The following ZMYM4 variants were observed in gnomAD, a reference collection of about 807,000 sequenced individuals.
ZMYM4 encodes zinc finger MYM-type containing 4, also known as zinc finger MYM-type protein 4.
A neutral mutation model predicts 183.2 loss-of-function variants in ZMYM4; 31 were observed. The observed-to-expected ratio is 0.17, with a 90% confidence interval of 0.13 to 0.23. The LOEUF is 0.23. Ranked by LOEUF, ZMYM4 falls within the 10% of genes least tolerant of loss-of-function variation. ZMYM4 has a pLI of 1.00. For missense variants in ZMYM4, 1,273 were observed against 1,840.3 expected (o/e 0.69, Z 5.64); for synonymous variants, 592 against 631.2 (o/e 0.94, Z 0.93).
At position 35,357,448 on chromosome 1, in the gene ZMYM4, A is replaced by G. The variant is rs112302735; in HGVS notation, c.86-1477A>G. Among the ~76,000 whole-genome samples the G allele has an allele frequency of 8.5e-5, 13 of 152,308 alleles. 2 individuals carry two copies. The highest frequency in any genetic ancestry group is 2.6e-4 in the African/African-American group (11 of 41,562). On this transcript the variant is annotated intron_variant, in intron 2 of 29. Coordinates refer to ENST00000314607, the MANE Select transcript of ZMYM4 (RefSeq NM_005095.3). ...CTGATGTATCAATTAAATGTGGTTTAGGCATAGAGTTTATAAGGGTATGGT... is the reference window on the plus strand; with the variant it reads ...CTGATGTATCAATTAAATGTGGTTTGGGCATAGAGTTTATAAGGGTATGGT...
chr1:35,372,013 C>T (rs1644225510), intron 7 of ZMYM4, among the ~76,000 whole-genome samples: 1 of 152,158 alleles, frequency 6.6e-6, no homozygotes, highest in Admixed American at 6.5e-5. Context: ...TTGGGACTAT[C>T]TTTCAAGCTA....
Position 35,397,366 on chromosome 1 carries a change from T to C in ZMYM4, c.3031-11T>C. Reference sequence around the variant, plus strand: ...CCAAAGAAAGCCTTCAGTCTATCCTTGGTCTTTCAGATGCCTGTCCCTATG... The same window carrying C: ...CCAAAGAAAGCCTTCAGTCTATCCTCGGTCTTTCAGATGCCTGTCCCTATG... On this transcript the variant is annotated splice_polypyrimidine_tract_variant and intron_variant, in intron 19 of 29. Transcript: ENST00000314607. 6.4e-7 allele frequency: 1 copy of C among 1,572,658 alleles called. No individual in the cohort carries two copies.
intron 9 of ZMYM4, among the ~76,000 whole-genome samples, chr1:35,385,069 T>A (rs985194426): frequency 1.3e-5 from 2 of 152,152 alleles, no homozygotes; most frequent in South Asian, 4.1e-4. Flanking sequence ...GGTCTTGAAC[T>A]CCTGACCTCA....
At chr1:35,340,107 A>G (rs1311310955) in intron 2 of ZMYM4, among the ~76,000 whole-genome samples, 1 of 152,204 alleles carries the variant, frequency 6.6e-6, no homozygotes, top group African/African-American at 2.4e-5. Flanking sequence ...GAAGTTTCTG[A>G]CAGAACAAAA....
intron 5 of ZMYM4, among the ~76,000 whole-genome samples, chr1:35,365,594 C>T (rs1216428695): frequency 6.6e-6 from 1 of 152,004 alleles, no homozygotes; most frequent in Non-Finnish European, 1.5e-5. Context: ...GCTCTTTTAG[C>T]CATATTGAGT....
chr1:35,364,009 GAGA>G (rs914845963), intron 5 of ZMYM4, among the ~76,000 whole-genome samples: 2 of 152,178 alleles, frequency 1.3e-5, no homozygotes, highest in African/African-American at 4.8e-5. Flanking sequence ...AGAGAACACT[GAGA>G]AGGTTATTAG....
intron 1 of ZMYM4, among the ~76,000 whole-genome samples, chr1:35,284,118 A>T (rs890003748): frequency 4.0e-5 from 6 of 151,880 alleles, no homozygotes; most frequent in Non-Finnish European, 8.8e-5. Flanking sequence ...CTGGGACTAC[A>T]GGTGCCCGCC....
In ZMYM4 at chr1:35,325,450, A is replaced by G. The variant is rs781728001; in HGVS notation, c.85+45A>G. On this transcript the variant is annotated intron_variant, in intron 2 of 29. Coordinates refer to ENST00000314607, the MANE Select transcript of ZMYM4 (RefSeq NM_005095.3). Reference sequence around the variant, plus strand: ...AAACAATCATGTCTTTAGATAGAAAATGAATGTTAATCTAGATGTGGTATT... The same window carrying G: ...AAACAATCATGTCTTTAGATAGAAAGTGAATGTTAATCTAGATGTGGTATT... 7 of 1,568,084 alleles carry G rather than the reference A, an allele frequency of 4.5e-6. No homozygotes were observed. The Admixed American group carries it at 7.2e-5, about 16-fold the overall frequency.
intron 2 of ZMYM4, among the ~76,000 whole-genome samples, chr1:35,358,184 C>A (rs756829912): frequency 6.6e-6 from 1 of 151,948 alleles, no homozygotes; most frequent in African/African-American, 2.4e-5. Flanking sequence ...AATTTTTTTC[C>A]TACAAGTTTG....
chr1:35,300,403 T>G (rs887742846), intron 1 of ZMYM4, among the ~76,000 whole-genome samples: 1 of 152,234 alleles, frequency 6.6e-6, no homozygotes, highest in Non-Finnish European at 1.5e-5. Flanking sequence ...CTTGGTATGG[T>G]TTATTTCAAA....
chr1:35,299,678 G>T (rs1641183899), intron 1 of ZMYM4, among the ~76,000 whole-genome samples: 1 of 151,916 alleles, frequency 6.6e-6, no homozygotes, highest in South Asian at 2.2e-4. Flanking sequence ...ATAGTTGCCT[G>T]GTAAGTTGCA....
intron 24 of ZMYM4, 69 bp from the exon 25 acceptor site, chr1:35,405,304 G>T: frequency 6.3e-7 from 1 of 1,577,386 alleles, no homozygotes; most frequent in Non-Finnish European, 8.6e-7. Context: ...CTTTGGTTTG[G>T]GCTTTACTTA....
At chr1:35,273,532 A>G (rs1008151389) in intron 1 of ZMYM4, among the ~76,000 whole-genome samples, 14 of 152,088 alleles carry the variant, frequency 9.2e-5, no homozygotes, top group Non-Finnish European at 1.5e-4. Flanking sequence ...ACTTTTGTAA[A>G]TGTAAATATT....
At chr1:35,382,374 A>G (rs1644483101) in intron 9 of ZMYM4, among the ~76,000 whole-genome samples, 1 of 151,750 alleles carries the variant, frequency 6.6e-6, no homozygotes. Flanking sequence ...ATATTCATAC[A>G]GAGTTCTATA....
chr1:35,387,704 GTTT>G, intron 13 of ZMYM4, 100 bp downstream of exon 13: 4 of 1,293,800 alleles, frequency 3.1e-6, no homozygotes, highest in Admixed American at 2.6e-5. Flanking sequence ...CTGTTTTATT[GTTT>G]ATGTATAACG....
rs758352930 is a variant in ZMYM4 at position 35,405,053 on chromosome 1, C to G, written c.3559C>G (p.Pro1187Ala). ...GRKKSIVAVE[P>A]RSLIQGAFQG... ...GAAGAAGTCTATAGTGGCTGTGGAG[C>G]CCAGGAGTCTTATTCAAGGAGCCTT... is the stretch of plus-strand genomic sequence containing the variant. The change falls in exon 24 of 30, where the codon CCC becomes GCC. Residue 1187 changes from proline (P) to alanine (A), a missense_variant. By Grantham distance (27) the Pro-to-Ala change is conservative (BLOSUM62 -1). Transcript: ENST00000314607. 1.2e-6 allele frequency: 2 copies of G among 1,613,424 alleles called. No homozygotes were observed. The highest frequency in any genetic ancestry group is 8.5e-7 in the Non-Finnish European group (1 of 1,179,696).
rs546677484 is a variant in ZMYM4, at chr1:35,402,973, C to G, written c.3529-2050C>G. On this transcript the variant is annotated intron_variant, in intron 23 of 29. Transcript: ENST00000314607. ...TAACCTTACGGTGAAAAAAGTCTTG[C>G]AACAGAAAGTATGATGTTACCTGTA... 1.8e-4 allele frequency among the ~76,000 whole-genome samples: 28 copies of G among 152,272 alleles called. No homozygotes were observed. In the South Asian group the frequency reaches 5.8e-3, roughly 32 times the overall value.
chr1:35,287,353 C>T (rs1640553766), intron 1 of ZMYM4, among the ~76,000 whole-genome samples: 1 of 151,824 alleles, frequency 6.6e-6, no homozygotes, highest in African/African-American at 2.4e-5. Context: ...AGGCATCAGC[C>T]ACTGGCTTAT....
At chr1:35,413,653 C>A (rs754347132) in intron 26 of ZMYM4, among the ~76,000 whole-genome samples, 17 of 152,134 alleles carry the variant, frequency 1.1e-4, no homozygotes, top group Non-Finnish European at 2.2e-4. Flanking sequence ...GCATTGGAAC[C>A]AAGTTTTAGT....
Sources: gnomAD v4.1 joint callset for allele counts (sites outside exome capture counted in the v4.1 genomes callset) on GRCh38, gnomAD v4.1.1 for gene constraint, MANE v1.5 for transcripts, NCBI Gene and HGNC (gene_info 2026-07-23, HGNC 2026-07-21) for gene names.